HDAC5: variants seen among roughly 807,000 people sequenced by gnomAD.
HDAC5 encodes antigen NY-CO-9.
Under a neutral mutation model 133.3 loss-of-function variants are expected in HDAC5, and 25 were observed. That is an observed-to-expected ratio of 0.19 (90% confidence interval 0.14 to 0.26). The LOEUF is 0.26. Among genes scored for constraint, HDAC5 ranks in the 10% least tolerant of loss-of-function variants. The pLI, the probability that HDAC5 is intolerant of heterozygous loss-of-function variation, is 1.00. For synonymous variants in HDAC5, 589 were observed against 610.8 expected (o/e 0.96, Z 0.53); for missense variants, 1,041 against 1,460.5 (o/e 0.71, Z 4.68).
At chr17:44,110,433 C>T (rs568371198) in intron 3 of HDAC5, among the ~76,000 whole-genome samples, 1 of 152,300 alleles carries the variant, frequency 6.6e-6, no homozygotes, top group East Asian at 1.9e-4. Flanking sequence ...CCAACTAGGC[C>T]AGGATCCTCC....
chr17:44,114,195 A>G (rs528000676), intron 2 of HDAC5, among the ~76,000 whole-genome samples: 4 of 152,360 alleles, frequency 2.6e-5, no homozygotes, highest in Middle Eastern at 3.4e-3. Flanking sequence ...GGAGGGGAGA[A>G]GCAGGTCCCG....
At position 44,123,565 on chromosome 17, in the gene HDAC5, G is replaced by A; in HGVS notation, c.-251C>T. 5.0e-6 allele frequency: 2 copies of A among 402,446 alleles called. No individual in the cohort carries two copies. The highest frequency in any genetic ancestry group is 8.7e-6 in the Non-Finnish European group (2 of 229,870). 24.9% of individuals were successfully genotyped at this position (402,446 alleles called of 1,614,324 possible). On this transcript the variant is annotated 5_prime_UTR_variant, in exon 1 of 27. Coordinates refer to ENST00000682912, the MANE Select transcript of HDAC5 (RefSeq NM_005474.5). ...CGGCAGCAGCGGCGGCGGCAGCGGCGGCAGCACCTCCTCGACGGCTCCTCC... is the reference window on the plus strand; with the variant it reads ...CGGCAGCAGCGGCGGCGGCAGCGGCAGCAGCACCTCCTCGACGGCTCCTCC...
intron 3 of HDAC5, among the ~76,000 whole-genome samples, chr17:44,104,197 C>T (rs934966757): frequency 9.2e-5 from 14 of 151,788 alleles, no homozygotes; most frequent in Admixed American, 6.6e-5. Flanking sequence ...CTCACATACT[C>T]GGGAGACTGA....
chr17:44,093,071 A>T (rs1329763966), intron 6 of HDAC5, 21 bp downstream of exon 6: 1 of 1,572,548 alleles, frequency 6.4e-7, no homozygotes, highest in Non-Finnish European at 8.7e-7. Context: ...ATGCCCACCC[A>T]TGCCTGCCCA....
At position 44,091,324 on chromosome 17, in the gene HDAC5, G is replaced by A; in HGVS notation, c.1333C>T (p.Leu445=). 6.2e-7 allele frequency: 1 copy of A among 1,610,878 alleles called. No homozygotes were observed. The highest frequency in any genetic ancestry group is 1.7e-4 in the Middle Eastern group (1 of 6,056). ...DGSPHGHASL[L]QHVLLLEQAR... ...TGCTCCAGCAACAGCACATGCTGCAGCAGGGAGGCATGCCCGTGGGGGCTC... is the reference window on the plus strand; with the variant it reads ...TGCTCCAGCAACAGCACATGCTGCAACAGGGAGGCATGCCCGTGGGGGCTC... The change falls in exon 11 of 27, where the codon CTG becomes TTG. Residue 445 remains leucine (L), a synonymous_variant. Transcript: ENST00000682912.
At chr17:44,095,724 A>G (rs2051228185) in intron 3 of HDAC5, among the ~76,000 whole-genome samples, 1 of 151,300 alleles carries the variant, frequency 6.6e-6, no homozygotes, top group Non-Finnish European at 1.5e-5. Flanking sequence ...GAATAAGAGG[A>G]TGGGCGGGCA....
At chr17:44,111,515 T>C in intron 2 of HDAC5, 1 of 476,542 alleles carries the variant, frequency 2.1e-6, no homozygotes. Flanking sequence ...GCTGCTACTC[T>C]TGGCAAGCAA....
intron 3 of HDAC5, among the ~76,000 whole-genome samples, chr17:44,097,792 A>G (rs988583777): frequency 6.6e-6 from 1 of 152,264 alleles, no homozygotes; most frequent in Non-Finnish European, 1.5e-5. Flanking sequence ...AACCCTGCCT[A>G]GGGCTGGAAC....
At chr17:44,106,200 G>A (rs2051928963) in intron 3 of HDAC5, among the ~76,000 whole-genome samples, 1 of 152,174 alleles carries the variant, frequency 6.6e-6, no homozygotes, top group Non-Finnish European at 1.5e-5. Flanking sequence ...AGGGGATGAG[G>A]CAGGGGGAGG....
intron 11 of HDAC5, 85 bp from the exon 12 acceptor site, chr17:44,088,683 C>A: frequency 6.6e-7 from 1 of 1,519,582 alleles, no homozygotes; most frequent in Non-Finnish European, 8.9e-7. Flanking sequence ...CCCCCACAAC[C>A]CCCTCTGGCA....
chr17:44,083,901 A>T (rs1234319073), intron 16 of HDAC5, 47 bp from the exon 17 acceptor site: 2 of 1,517,530 alleles, frequency 1.3e-6, no homozygotes, highest in East Asian at 4.5e-5. Context: ...CCTCGGGCGG[A>T]TCACCTGAGG....
In HDAC5 at chr17:44,086,557, TTGG is replaced by T; in HGVS notation, c.2050+12_2050+14del. The T allele has an allele frequency of 1.5e-6, 2 of 1,296,894 alleles. No homozygotes were observed. Among genetic ancestry groups the T allele is most frequent in the African/African-American group, 3.0e-5 (2 of 66,234 alleles). 80.3% of individuals were successfully genotyped at this position (1,296,894 alleles called of 1,614,324 possible). A position where few individuals can be genotyped will look rare whatever the true frequency, so the allele number is the denominator to read the frequency against. On this transcript the variant is annotated intron_variant, in intron 14 of 26. Coordinates refer to ENST00000682912, the MANE Select transcript of HDAC5 (RefSeq NM_005474.5). Reference sequence around the variant, plus strand: ...GGTGCCTGGCAGAAGGACCTAACAGTTGGTGGGGGCTCACCTGTGGTGAAGAGG... The same window carrying T: ...GGTGCCTGGCAGAAGGACCTAACAGTTGGGGGCTCACCTGTGGTGAAGAGG...
At chr17:44,084,811 C>G (rs2050571061) in intron 15 of HDAC5, 136 bp from the exon 16 acceptor site, 1 of 1,304,628 alleles carries the variant, frequency 7.7e-7, no homozygotes, top group African/African-American at 1.5e-5. Flanking sequence ...GATCCTGGCT[C>G]TGTCATGACC....
At chr17:44,095,778 G>A (rs1468359743) in intron 3 of HDAC5, among the ~76,000 whole-genome samples, 1 of 152,110 alleles carries the variant, frequency 6.6e-6, no homozygotes, top group Non-Finnish European at 1.5e-5. Flanking sequence ...AAAGGAAAGG[G>A]AATCAGACAG....
Position 44,113,575 on chromosome 17 carries a change from C to T in HDAC5, c.23-2775G>A, listed in dbSNP as rs190739048. Reference sequence around the variant, plus strand: ...CTCCTTGCAATTCACTTCTCTTTTCCGTTCTCTCCCAACCAGCACACCCAT... The same window carrying T: ...CTCCTTGCAATTCACTTCTCTTTTCTGTTCTCTCCCAACCAGCACACCCAT... On this transcript the variant is annotated intron_variant, in intron 2 of 26. Coordinates refer to ENST00000682912, the MANE Select transcript of HDAC5 (RefSeq NM_005474.5). 1.4e-3 allele frequency among the ~76,000 whole-genome samples: 206 copies of T among 152,250 alleles called. 1 individual carries two copies. The highest frequency in any genetic ancestry group is 5.3e-4 in the Non-Finnish European group (36 of 68,016).
At chr17:44,091,904 C>T in intron 9 of HDAC5, 73 bp from the exon 10 acceptor site, 1 of 1,473,970 alleles carries the variant, frequency 6.8e-7, no homozygotes, top group Non-Finnish European at 9.1e-7. Flanking sequence ...AACCTGGGGC[C>T]AAGGCCAAGG....
chr17:44,108,140 AG>A (rs1346949957), intron 3 of HDAC5, among the ~76,000 whole-genome samples: 1 of 152,150 alleles, frequency 6.6e-6, no homozygotes, highest in African/African-American at 2.4e-5. Flanking sequence ...CCATCCATCA[AG>A]GAAGACCTCT....
chr17:44,082,569 C>T lies in HDAC5; in HGVS notation c.2607+16G>A, dbSNP rs370764559. The T allele has an allele frequency of 3.1e-6, 5 of 1,606,300 alleles. No homozygotes were observed. In the African/African-American group the frequency reaches 6.7e-5, roughly 22 times the overall value. On this transcript the variant is annotated intron_variant, in intron 20 of 26. Coordinates refer to ENST00000682912, the MANE Select transcript of HDAC5 (RefSeq NM_005474.5). ...CTCTACCCGCCCCTGCCCAGCCCCA[C>T]CAGCTCACTGCCTACCCAGTCCACG... is the stretch of plus-strand genomic sequence containing the variant.
At chr17:44,084,513 G>A (rs926536953) in intron 16 of HDAC5, 42 bp downstream of exon 16, 2 of 1,608,902 alleles carry the variant, frequency 1.2e-6, no homozygotes, top group Middle Eastern at 1.7e-4. Flanking sequence ...ATCCCACCCT[G>A]ACACTGAACA....
Sources: allele counts gnomAD v4.1 joint callset (sites outside exome capture counted in the v4.1 genomes callset), GRCh38; gene constraint gnomAD v4.1.1; transcripts MANE v1.5; gene names NCBI Gene and HGNC (gene_info 2026-07-23, HGNC 2026-07-21).